Variants in CSMD1 observed in about 807,000 individuals in gnomAD.
CSMD1 encodes CUB and Sushi multiple domains 1.
Under a neutral mutation model 417.5 loss-of-function variants are expected in CSMD1, and 213 were observed. That is an observed-to-expected ratio of 0.51 (90% CI 0.46 to 0.57). The LOEUF is 0.57. Among genes scored for constraint, CSMD1 ranks in the 20% least tolerant of loss-of-function variants. CSMD1 has a pLI of 0.00. For missense variants in CSMD1, 6,923 were observed against 4,529.7 expected, an observed-to-expected ratio of 1.53 and a Z score of -15.17; for synonymous variants, 2,862 against 1,736.8, an observed-to-expected ratio of 1.65 and a Z score of -16.11.
At chr8:3,726,582 A>G (rs1476460740) in intron 6 of CSMD1, among the ~76,000 whole-genome samples, 1 of 152,186 alleles carries the variant, frequency 6.6e-6, no homozygotes, top group Non-Finnish European at 1.5e-5. Flanking sequence ...GAAGCAGGAA[A>G]TCTGGATATT....
intron 5 of CSMD1, among the ~76,000 whole-genome samples, chr8:3,973,156 T>C (rs1380483312): frequency 2.0e-5 from 3 of 152,218 alleles, no homozygotes; most frequent in Admixed American, 6.5e-5. Context: ...CGAATCCATG[T>C]TTTGTCTGAA....
intron 3 of CSMD1, among the ~76,000 whole-genome samples, chr8:4,125,866 G>C (rs1459456879): frequency 1.3e-5 from 2 of 152,084 alleles, no homozygotes; most frequent in Non-Finnish European, 2.9e-5. Context: ...TAACAAATTA[G>C]CTACAAGTTT....
chr8:4,119,908 G>A (rs1432913265), intron 3 of CSMD1, among the ~76,000 whole-genome samples: 2 of 151,922 alleles, frequency 1.3e-5, no homozygotes. Flanking sequence ...GTCTGGTAAG[G>A]GTAGTGGGAG....
intron 49 of CSMD1, among the ~76,000 whole-genome samples, chr8:3,067,713 G>T (rs573985998): frequency 2.7e-5 from 4 of 150,790 alleles, no homozygotes; most frequent in African/African-American, 9.7e-5. Flanking sequence ...TACAATAAAC[G>T]AGTGGTTTTA....
intron 1 of CSMD1, among the ~76,000 whole-genome samples, chr8:4,948,077 C>G (rs1479354607): frequency 1.4e-5 from 2 of 146,434 alleles, no homozygotes; most frequent in East Asian, 3.9e-4. Context: ...ATTTCAAGAA[C>G]ATTAATTTTT....
chr8:3,731,078 C>T (rs772226696), intron 6 of CSMD1, among the ~76,000 whole-genome samples: 1 of 152,190 alleles, frequency 6.6e-6, no homozygotes, highest in Admixed American at 6.5e-5. Context: ...TCCTTATACA[C>T]TTTCTTCCCA....
At position 4,016,896 on chromosome 8, in the gene CSMD1, C is replaced by T. The variant is rs62502681; in HGVS notation, c.610+15009G>A. On this transcript the variant is annotated intron_variant, in intron 4 of 69. Transcript: ENST00000635120. ...GGGTATGGTTCACAATCCTGAAAAA[C>T]ACAATCCCAAATGCCATAATCCCAA... 3.2e-3 allele frequency among the ~76,000 whole-genome samples: 482 copies of T among 152,276 alleles called. 2 individuals carry two copies. Among genetic ancestry groups the T allele is most frequent in the Middle Eastern group, 0.01 (3 of 294 alleles).
chr8:3,252,028 C>A (rs1394230404), intron 26 of CSMD1, among the ~76,000 whole-genome samples: 1 of 152,198 alleles, frequency 6.6e-6, no homozygotes, highest in East Asian at 1.9e-4. Context: ...AATTTGACTT[C>A]CTCTTTTCCT....
At chr8:3,601,905 A>T (rs1801378609) in intron 8 of CSMD1, among the ~76,000 whole-genome samples, 1 of 152,128 alleles carries the variant, frequency 6.6e-6, no homozygotes, top group Admixed American at 6.5e-5. Flanking sequence ...TGCCCTAGAG[A>T]GAGAGAGGGT....
At chr8:3,237,641 T>TGTAAAG (rs1563171449) in intron 26 of CSMD1, among the ~76,000 whole-genome samples, 2 of 110,426 alleles carry the variant, frequency 1.8e-5, no homozygotes, top group African/African-American at 5.8e-5. Context: ...ATACTTATAC[T>TGTAAAG]ATAATTTTTT....
chr8:3,525,548 T>C (rs566373004), intron 10 of CSMD1, among the ~76,000 whole-genome samples: 2 of 152,158 alleles, frequency 1.3e-5, no homozygotes, highest in Admixed American at 6.5e-5. Context: ...GTGAAAGCGA[T>C]TGCCTCTCTT....
At chr8:3,406,351 G>C (rs879532281) in intron 14 of CSMD1, 130 bp from the exon 15 acceptor site, 118 of 662,854 alleles carry the variant, frequency 1.8e-4, no homozygotes, top group Middle Eastern at 8.4e-4. Flanking sequence ...AATTTCAGTT[G>C]TATCATTCAT....
At position 4,409,088 on chromosome 8, in the gene CSMD1, C is replaced by G. The variant is rs566409130; in HGVS notation, c.415+10865G>C. Among the ~76,000 whole-genome samples, 301 of 152,102 alleles carry G rather than the reference C, an allele frequency of 2.0e-3. 2 individuals are homozygous for G. Among genetic ancestry groups the G allele is most frequent in the African/African-American group, 7.0e-3 (291 of 41,486 alleles). On this transcript the variant is annotated intron_variant, in intron 3 of 69. Transcript: ENST00000635120. ...ATTTATTGGATAGCAGACTGTGAAG[C>G]CTTTTTTAAAGTTTAGCATCTGCAT...
intron 23 of CSMD1, among the ~76,000 whole-genome samples, chr8:3,337,809 A>T (rs960864036): frequency 5.3e-5 from 8 of 152,214 alleles, no homozygotes; most frequent in Admixed American, 5.2e-4. Flanking sequence ...TCATTAAACA[A>T]AAGTATTCCT....
intron 5 of CSMD1, among the ~76,000 whole-genome samples, chr8:3,912,173 G>C (rs75108639): frequency 1.5e-3 from 228 of 152,182 alleles, no homozygotes; most frequent in African/African-American, 5.3e-3. Flanking sequence ...CATTTCTCAT[G>C]AATTTGTAAT....
At chr8:4,760,636 A>G (rs927998833) in intron 1 of CSMD1, among the ~76,000 whole-genome samples, 1 of 152,338 alleles carries the variant, frequency 6.6e-6, no homozygotes, top group South Asian at 2.1e-4. Flanking sequence ...ATATTGTTGT[A>G]TAAGTATGCT....
intron 2 of CSMD1, among the ~76,000 whole-genome samples, chr8:4,573,889 A>G (rs565392898): frequency 6.6e-6 from 1 of 152,318 alleles, no homozygotes; most frequent in South Asian, 2.1e-4. Flanking sequence ...CGTTCTGCCC[A>G]GTTCAAACTT....
intron 3 of CSMD1, among the ~76,000 whole-genome samples, chr8:4,154,102 G>C (rs969466294): frequency 1.3e-5 from 2 of 152,172 alleles, no homozygotes; most frequent in African/African-American, 4.8e-5. Flanking sequence ...ACAGCAAAGA[G>C]TCAGGAGTCT....
At chr8:3,212,468 C>G (rs1797667878) in intron 30 of CSMD1, among the ~76,000 whole-genome samples, 1 of 152,144 alleles carries the variant, frequency 6.6e-6, no homozygotes, top group Non-Finnish European at 1.5e-5. Context: ...CCTACCTCAT[C>G]CTCCCAAGCA....
Sources: gnomAD v4.1 joint callset for allele counts (sites outside exome capture counted in the v4.1 genomes callset) on GRCh38, gnomAD v4.1.1 for gene constraint, MANE v1.5 for transcripts, NCBI Gene and HGNC (gene_info 2026-07-23, HGNC 2026-07-21) for gene names.